CDH18: variants seen among roughly 807,000 people sequenced by gnomAD.
CDH18 encodes cadherin 18.
Under a neutral mutation model 67.9 loss-of-function variants are expected in CDH18, and 31 were observed. The ratio of observed to expected loss-of-function variants is 0.46; its 90% CI spans 0.34 to 0.62. CDH18 has a LOEUF of 0.62. CDH18 is among the 20% of genes least tolerant of loss of function. CDH18 has a pLI of 0.01. For synonymous variants in CDH18, 362 were observed against 347.2 expected (o/e 1.04, Z -0.48); for missense variants, 890 against 975.5 (o/e 0.91, Z 1.17).
chr5:19,936,822 T>C (rs1794324519), intron 2 of CDH18, among the ~76,000 whole-genome samples: 1 of 150,832 alleles, frequency 6.6e-6, no homozygotes, highest in African/African-American at 2.4e-5. Context: ...GTTTCAAGAT[T>C]TAAAAATAAA....
At chr5:20,085,702 G>A (rs1372601312) in intron 2 of CDH18, among the ~76,000 whole-genome samples, 1 of 152,090 alleles carries the variant, frequency 6.6e-6, no homozygotes, top group Non-Finnish European at 1.5e-5. Flanking sequence ...TTACACAGAT[G>A]CCAGCAGGCA....
chr5:20,306,531 A>G (rs1001925714), intron 1 of CDH18, among the ~76,000 whole-genome samples: 1 of 54,942 alleles, frequency 1.8e-5, no homozygotes, highest in African/African-American at 3.6e-5. Flanking sequence ...AAATGGCTGC[A>G]TATGTTAATC....
intron 1 of CDH18, among the ~76,000 whole-genome samples, chr5:20,417,759 A>C (rs1407130530): frequency 6.6e-6 from 1 of 152,202 alleles, no homozygotes; most frequent in African/African-American, 2.4e-5. Flanking sequence ...CCTGCAGATG[A>C]GAAAGAATGG....
intron 8 of CDH18, among the ~76,000 whole-genome samples, chr5:19,551,839 T>C (rs374374187): frequency 3.3e-5 from 5 of 152,280 alleles, no homozygotes; most frequent in South Asian, 4.1e-4. Flanking sequence ...TCTGAAAATT[T>C]TGTCAGAAAA....
intron 2 of CDH18, among the ~76,000 whole-genome samples, chr5:19,939,878 C>T (rs1374082046): frequency 4.6e-5 from 7 of 151,758 alleles, no homozygotes; most frequent in Admixed American, 4.6e-4. Context: ...AATTTAAATG[C>T]TTTATATATT....
chr5:20,392,836 C>T (rs1744982003), intron 1 of CDH18, among the ~76,000 whole-genome samples: 1 of 151,796 alleles, frequency 6.6e-6, no homozygotes, highest in South Asian at 2.1e-4. Context: ...TTTGGTTCAG[C>T]ACTTTTTTTA....
chr5:19,491,015 C>G (rs1561185133), intron 11 of CDH18, among the ~76,000 whole-genome samples: 1 of 152,152 alleles, frequency 6.6e-6, no homozygotes, highest in Non-Finnish European at 1.5e-5. Context: ...AATCCACAAT[C>G]TTTTACATTT....
chr5:20,501,541 A>G (rs1754272715), intron 1 of CDH18, among the ~76,000 whole-genome samples: 1 of 42,986 alleles, frequency 2.3e-5, no homozygotes, highest in East Asian at 2.9e-3. Flanking sequence ...TATATTATAT[A>G]CATATTATAT....
intron 8 of CDH18, among the ~76,000 whole-genome samples, 154 bp downstream of exon 8, chr5:19,571,425 C>G (rs189855884): frequency 6.6e-5 from 10 of 152,234 alleles, no homozygotes; most frequent in Admixed American, 6.5e-4. Context: ...AACTGCTAAG[C>G]TACACAGTTA....
At chr5:19,908,352 GT>G (rs995765453) in intron 2 of CDH18, among the ~76,000 whole-genome samples, 2 of 151,976 alleles carry the variant, frequency 1.3e-5, no homozygotes, top group Admixed American at 1.3e-4. Context: ...AACTAAAAAT[GT>G]TTTTATTATG....
intron 11 of CDH18, among the ~76,000 whole-genome samples, chr5:19,489,457 C>A (rs1026246809): frequency 6.6e-6 from 1 of 151,950 alleles, no homozygotes; most frequent in Non-Finnish European, 1.5e-5. Flanking sequence ...CCATGTTGGC[C>A]AGGCTGGTCT....
At chr5:19,871,545 T>A (rs1406105623) in intron 2 of CDH18, among the ~76,000 whole-genome samples, 1 of 152,208 alleles carries the variant, frequency 6.6e-6, no homozygotes, top group African/African-American at 2.4e-5. Flanking sequence ...ATGTAGCATA[T>A]TCCTAAATAT....
chr5:19,687,776 C>T (rs1580874048), intron 5 of CDH18, among the ~76,000 whole-genome samples: 2 of 152,294 alleles, frequency 1.3e-5, no homozygotes, highest in East Asian at 3.9e-4. Context: ...GAAAGAAGAC[C>T]CAATCCTCCA....
intron 2 of CDH18, among the ~76,000 whole-genome samples, chr5:19,963,258 A>G (rs1051379323): frequency 6.6e-6 from 1 of 152,058 alleles, no homozygotes; most frequent in African/African-American, 2.4e-5. Flanking sequence ...CCAACTTTTC[A>G]CTTCAAGGTA....
rs547982518 is a variant in CDH18, at chr5:20,442,033, T to A, written c.-580+133429A>T. Among the ~76,000 whole-genome samples, 29 of 152,088 alleles carry A rather than the reference T, an allele frequency of 1.9e-4. 1 individual carries two copies. Among genetic ancestry groups the A allele is most frequent in the African/African-American group, 6.5e-4 (27 of 41,322 alleles). ...GAGATATTTTATCTGTTCTGTTAAC[T>A]GCTTTGTTAATTGCCATCTATCTTG... On this transcript the variant is annotated intron_variant, in intron 1 of 14. Coordinates refer to the CDH18 transcript ENST00000507958.
intron 5 of CDH18, among the ~76,000 whole-genome samples, chr5:19,637,827 C>T (rs1407860700): frequency 1.3e-5 from 2 of 152,152 alleles, no homozygotes; most frequent in Non-Finnish European, 1.5e-5. Context: ...GGTATTCAGA[C>T]TTGACCCTAA....
chr5:19,524,938 G>T (rs1227852684), intron 9 of CDH18, among the ~76,000 whole-genome samples: 2 of 152,038 alleles, frequency 1.3e-5, no homozygotes, highest in Non-Finnish European at 1.5e-5. Flanking sequence ...GTAGAGACGG[G>T]GTTTCACCAT....
At chr5:19,637,035 T>C (rs1041736095) in intron 5 of CDH18, among the ~76,000 whole-genome samples, 16 of 152,178 alleles carry the variant, frequency 1.1e-4, no homozygotes, top group African/African-American at 3.9e-4. Context: ...GCCTTTCCTC[T>C]AATGCAGTTT....
chr5:20,496,437 A>C (rs553320593), intron 1 of CDH18, among the ~76,000 whole-genome samples: 12 of 152,208 alleles, frequency 7.9e-5, no homozygotes, highest in Non-Finnish European at 1.5e-4. Flanking sequence ...TCCAAAAATA[A>C]AGGAAAATTA....
Sources: allele counts gnomAD v4.1 joint callset (sites outside exome capture counted in the v4.1 genomes callset), GRCh38; gene constraint gnomAD v4.1.1; transcripts MANE v1.5; gene names NCBI Gene and HGNC (gene_info 2026-07-23, HGNC 2026-07-21).